UBASH3A: variants seen among roughly 807,000 people sequenced by gnomAD.
The protein encoded by UBASH3A is ubiquitin associated and SH3 domain containing A.
A neutral mutation model predicts 73.5 loss-of-function variants in UBASH3A; 63 were observed. The ratio of observed to expected loss-of-function variants is 0.86; its 90% CI spans 0.70 to 1.06. UBASH3A has a LOEUF of 1.06. Ranked by LOEUF, UBASH3A falls within the 50% of genes least tolerant of loss-of-function variation. The probability of loss-of-function intolerance (pLI) is 0.00; values close to 1 mark genes in which losing one functional copy is unlikely to be tolerated. For missense variants in UBASH3A, 860 were observed against 859.0 expected, an observed-to-expected ratio of 1.00 and a Z score of -0.02; for synonymous variants, 363 against 351.1, an observed-to-expected ratio of 1.03 and a Z score of -0.38.
chr21:42,407,930 G>A (rs1041935691), intron 2 of UBASH3A, among the ~76,000 whole-genome samples: 10 of 152,200 alleles, frequency 6.6e-5, no homozygotes, highest in African/African-American at 9.7e-5. Context: ...ACAAATTCGC[G>A]CTGACAAACT....
chr21:42,437,231 T>C (rs1046732728), intron 10 of UBASH3A, among the ~76,000 whole-genome samples: 2 of 152,268 alleles, frequency 1.3e-5, no homozygotes, highest in African/African-American at 4.8e-5. Context: ...TCACTGCTTT[T>C]AATGGGCTCA....
intron 10 of UBASH3A, among the ~76,000 whole-genome samples, chr21:42,437,160 T>G (rs1342958382): frequency 1.3e-5 from 2 of 152,248 alleles, no homozygotes; most frequent in African/African-American, 4.8e-5. Context: ...TGGAGAATGT[T>G]TTGCTGAATC....
chr21:42,442,712 G>GGGGATTTGCAGCA, intron 12 of UBASH3A, 116 bp downstream of exon 12: 1 of 1,171,124 alleles, frequency 8.5e-7, no homozygotes, highest in Non-Finnish European at 1.2e-6. Context: ...CCACTGCAGT[G>GGGGATTTGCAGCA]GGGTTTTGCA....
chr21:42,443,537 GC>G, intron 13 of UBASH3A, 119 bp downstream of exon 13: 1 of 793,664 alleles, frequency 1.3e-6, no homozygotes, highest in Non-Finnish European at 1.9e-6. Context: ...GCCTGCCCCC[GC>G]CCCCATTCTC....
chr21:42,416,379 C>T (rs2053206961), intron 5 of UBASH3A, 63 bp from the exon 6 acceptor site: 2 of 1,471,172 alleles, frequency 1.4e-6, no homozygotes, highest in South Asian at 2.9e-5. Flanking sequence ...GCATGGAGGT[C>T]GGAGGAAGGA....
At chr21:42,434,690 G>A (rs533585938) in intron 9 of UBASH3A, 142 bp from the exon 10 acceptor site, 19 of 946,132 alleles carry the variant, frequency 2.0e-5, no homozygotes, top group Admixed American at 3.0e-5. Flanking sequence ...CCACGTTGCA[G>A]AGAATGTTCA....
At chr21:42,427,788 C>T (rs75678806) in intron 8 of UBASH3A, among the ~76,000 whole-genome samples, 5,267 of 152,206 alleles carry the variant, frequency 0.035, 104 homozygotes, top group Non-Finnish European at 0.04. Context: ...TCCCCAGGGC[C>T]CATCCTGGTG....
chr21:42,429,240 T>C (rs1286761157), intron 8 of UBASH3A, among the ~76,000 whole-genome samples: 1 of 152,216 alleles, frequency 6.6e-6, no homozygotes, highest in Non-Finnish European at 1.5e-5. Context: ...ACCTTGACTT[T>C]GGACTTCCAG....
chr21:42,421,667 T>G (rs763194741), intron 7 of UBASH3A, among the ~76,000 whole-genome samples: 1 of 152,212 alleles, frequency 6.6e-6, no homozygotes, highest in Non-Finnish European at 1.5e-5. Flanking sequence ...TTCATGCACA[T>G]GGCAAAACTA....
chr21:42,431,107 G>A (rs966068182), intron 8 of UBASH3A, among the ~76,000 whole-genome samples: 31 of 150,716 alleles, frequency 2.1e-4, no homozygotes, highest in African/African-American at 7.5e-4. Context: ...TCTGGTCCCA[G>A]GGGGGGCATC....
intron 7 of UBASH3A, among the ~76,000 whole-genome samples, chr21:42,418,872 T>C (rs760153873): frequency 1.3e-5 from 2 of 152,334 alleles, no homozygotes; most frequent in South Asian, 4.1e-4. Flanking sequence ...AAATACTACT[T>C]CTTTATCACA....
intron 8 of UBASH3A, 120 bp from the exon 9 acceptor site, chr21:42,431,983 G>T: frequency 1.6e-6 from 1 of 639,404 alleles, no homozygotes; most frequent in South Asian, 1.9e-5. Flanking sequence ...CTGAGCTATT[G>T]ACTAACGAAG....
intron 7 of UBASH3A, among the ~76,000 whole-genome samples, chr21:42,418,996 A>T (rs1228647859): frequency 6.6e-6 from 1 of 152,216 alleles, no homozygotes; most frequent in Non-Finnish European, 1.5e-5. Context: ...CTGTATAATA[A>T]ATTACCACTA....
chr21:42,421,139 TA>T (rs1317365452), intron 7 of UBASH3A, among the ~76,000 whole-genome samples: 1 of 152,144 alleles, frequency 6.6e-6, no homozygotes, highest in Non-Finnish European at 1.5e-5. Context: ...AGGTTCCAGT[TA>T]GGAGAGTGGA....
Position 42,443,257 on chromosome 21 carries a change from T to C in UBASH3A, c.1632-55T>C, listed in dbSNP as rs113781664. 2.6e-3 allele frequency: 4,143 copies of C among 1,567,710 alleles called. 119 individuals are homozygous for C. The African/African-American group carries it at 0.049, about 19-fold the overall frequency. ...TTCCCCAGCTAACTGCAGCTGAGCCTTCCTAATCCCTACGAAAGTGCCAGG... is the reference window on the plus strand; with the variant it reads ...TTCCCCAGCTAACTGCAGCTGAGCCCTCCTAATCCCTACGAAAGTGCCAGG... On this transcript the variant is annotated intron_variant, in intron 12 of 14. Transcript: ENST00000319294.
chr21:42,418,554 C>T lies in UBASH3A; in HGVS notation c.991C>T (p.Leu331=). ...ISQRTGCRGF[L]PENYTDRASE... ...ACAGCGGACGGGCTGCCGGGGCTTC[C>T]TGCCGGAAAACTACACGGATCGAGC... is the stretch of plus-strand genomic sequence containing the variant. The change falls in exon 7 of 15, where the codon CTG becomes TTG. Residue 331 remains leucine, a synonymous_variant. Transcript: ENST00000319294. 1 of 1,614,160 alleles carries T rather than the reference C, an allele frequency of 6.2e-7. No homozygotes were observed. The highest frequency in any genetic ancestry group is 1.6e-4 in the Middle Eastern group (1 of 6,062).
chr21:42,406,576 G>T (rs776485721), intron 2 of UBASH3A, among the ~76,000 whole-genome samples: 2 of 152,142 alleles, frequency 1.3e-5, no homozygotes, highest in Non-Finnish European at 2.9e-5. Context: ...GAGAAAGAGA[G>T]AACTCTGAAC....
chr21:42,406,775 T>G (rs891705744), intron 2 of UBASH3A, among the ~76,000 whole-genome samples: 1 of 152,236 alleles, frequency 6.6e-6, no homozygotes, highest in Non-Finnish European at 1.5e-5. Flanking sequence ...TTAGTACTGC[T>G]AATATTCAGC....
In UBASH3A at chr21:42,442,556, G is replaced by C. The variant is rs372959062; in HGVS notation, c.1591G>C (p.Glu531Gln). 41 of 1,614,022 alleles carry C rather than the reference G, an allele frequency of 2.5e-5. No homozygotes were observed. Among genetic ancestry groups the C allele is most frequent in the Non-Finnish European group, 3.1e-5 (36 of 1,180,030 alleles). ...KTTPTLMSLE[E>Q]LKEANFNIDT... The stretch of plus-strand genomic sequence containing the variant: ...CACCCCAACCCTCATGAGCCTGGAA[G>C]AGCTGAAAGAGGCAAATTTCAACAT... Residue 531 changes from glutamate to glutamine, a missense_variant, in exon 12 of 15, where the codon GAG becomes CAG. Glu to Gln is a conservative substitution (Grantham distance 29). Coordinates refer to ENST00000319294, the MANE Select transcript of UBASH3A (RefSeq NM_018961.4).
Sources: allele counts gnomAD v4.1 joint callset (sites outside exome capture counted in the v4.1 genomes callset), GRCh38; gene constraint gnomAD v4.1.1; transcripts MANE v1.5; gene names NCBI Gene and HGNC (gene_info 2026-07-23, HGNC 2026-07-21).